The following TMEM87B variants were observed in gnomAD, a reference collection of about 807,000 sequenced individuals.
The protein encoded by TMEM87B is transmembrane protein 87B.
Under a neutral mutation model 80.3 loss-of-function variants are expected in TMEM87B, and 83 were observed. The observed-to-expected ratio is 1.03, with a 90% confidence interval of 0.87 to 1.24. The LOEUF (loss-of-function observed/expected upper bound fraction) is 1.24, where lower values mean the gene tolerates loss of function less well. Ranked by LOEUF, TMEM87B falls within the 50% of genes most tolerant of loss-of-function variation. The probability of loss-of-function intolerance (pLI) is 0.00; values close to 1 mark genes in which losing one functional copy is unlikely to be tolerated. For synonymous variants in TMEM87B, 219 were observed against 230.5 expected (o/e 0.95, Z 0.45); for missense variants, 625 against 674.4 (o/e 0.93, Z 0.81).
chr2:112,067,869 T>G (rs1287153312), intron 4 of TMEM87B, among the ~76,000 whole-genome samples: 1 of 152,188 alleles, frequency 6.6e-6, no homozygotes, highest in Non-Finnish European at 1.5e-5. Flanking sequence ...CACTAACTCC[T>G]CCTTTATGCC....
rs1054570772 is a variant in TMEM87B, at chr2:112,055,611, C to T, written c.20C>T (p.Ser7Leu). 4 of 1,533,018 alleles carry T rather than the reference C, an allele frequency of 2.6e-6. No homozygotes were observed. The highest frequency in any genetic ancestry group is 2.9e-5 in the African/African-American group (2 of 70,082). The allele number at this position is 1,533,018 out of a possible 1,614,324, so 95.0% of individuals were successfully genotyped here. The stretch of plus-strand genomic sequence containing the variant: ...GTCAAGATGGTCGCCGCCTGCCGCT[C>T]GGTAGCCGGGCTCCTGCCACGCCGC... MVAACR[S>L]VAGLLPRRRR... Residue 7 changes from serine (S) to leucine (L), a missense_variant, in exon 1 of 19, where the codon TCG becomes TTG. By Grantham distance (145) the Ser-to-Leu change is moderately radical (BLOSUM62 -2). Transcript: ENST00000283206.
At chr2:112,086,762 G>A (rs971922413) in intron 9 of TMEM87B, among the ~76,000 whole-genome samples, 1 of 152,104 alleles carries the variant, frequency 6.6e-6, no homozygotes, top group Non-Finnish European at 1.5e-5. Context: ...GGCTTCACAG[G>A]TGTCGTCCTC....
intron 17 of TMEM87B, among the ~76,000 whole-genome samples, chr2:112,111,080 A>G (rs1178258384): frequency 6.6e-6 from 1 of 152,140 alleles, no homozygotes; most frequent in East Asian, 1.9e-4. Context: ...ACAGCAGGGA[A>G]TCTGTTGGAA....
chr2:112,062,440 T>C (rs1055707272), intron 2 of TMEM87B, among the ~76,000 whole-genome samples: 5 of 152,228 alleles, frequency 3.3e-5, no homozygotes, highest in Non-Finnish European at 7.3e-5. Context: ...CCATTCATGA[T>C]AGAAACTCAA....
In TMEM87B at chr2:112,116,207, A is replaced by G; in HGVS notation, c.*64A>G. On this transcript the variant is annotated 3_prime_UTR_variant, in exon 19 of 19. Coordinates refer to ENST00000283206, the MANE Select transcript of TMEM87B (RefSeq NM_032824.3). ...CTATCCTTCATCAAGACTGAAAGTG[A>G]GCTTTGATTTGATATTGCCTAAAAA... is the stretch of plus-strand genomic sequence containing the variant. The G allele has an allele frequency of 7.0e-7, 1 of 1,431,212 alleles. No individual in the cohort carries two copies. The highest frequency in any genetic ancestry group is 9.6e-7 in the Non-Finnish European group (1 of 1,042,164). The allele number at this position is 1,431,212 out of a possible 1,614,324, so 88.7% of individuals were successfully genotyped here. A position where few individuals can be genotyped will look rare whatever the true frequency, so the allele number is the denominator to read the frequency against.
intron 8 of TMEM87B, 132 bp downstream of exon 8, chr2:112,081,650 C>A: frequency 2.6e-6 from 2 of 774,214 alleles, no homozygotes; most frequent in Non-Finnish European, 3.9e-6. Flanking sequence ...AGAAGGAAAG[C>A]CAAGGAAAGA....
chr2:112,107,397 T>G (rs1211364591), intron 16 of TMEM87B, among the ~76,000 whole-genome samples: 2 of 151,138 alleles, frequency 1.3e-5, no homozygotes, highest in African/African-American at 2.4e-5. Context: ...ATTATCATCA[T>G]TTTTTTTAAA....
chr2:112,104,315 C>T (rs1352466575), intron 15 of TMEM87B, among the ~76,000 whole-genome samples: 1 of 152,098 alleles, frequency 6.6e-6, no homozygotes, highest in Non-Finnish European at 1.5e-5. Flanking sequence ...ATTCTCAGTA[C>T]ATATATATCT....
At chr2:112,071,511 T>G (rs549123038) in intron 4 of TMEM87B, among the ~76,000 whole-genome samples, 1 of 152,054 alleles carries the variant, frequency 6.6e-6, no homozygotes, top group Non-Finnish European at 1.5e-5. Context: ...TTCACCATGT[T>G]GGCCAGGCTG....
chr2:112,092,621 G>T (rs949637889), intron 11 of TMEM87B, among the ~76,000 whole-genome samples: 1 of 152,180 alleles, frequency 6.6e-6, no homozygotes, highest in African/African-American at 2.4e-5. Context: ...GTAGGGTAGG[G>T]GATATGGAAA....
At chr2:112,062,453 A>G (rs918433469) in intron 2 of TMEM87B, among the ~76,000 whole-genome samples, 5 of 152,362 alleles carry the variant, frequency 3.3e-5, no homozygotes, top group South Asian at 2.1e-4. Flanking sequence ...AAACTCAAAG[A>G]AAGTTAGAAA....
intron 4 of TMEM87B, 111 bp from the exon 5 acceptor site, chr2:112,074,801 T>A: frequency 1.6e-6 from 2 of 1,282,158 alleles, no homozygotes; most frequent in Non-Finnish European, 2.1e-6. Flanking sequence ...CTTTGATGTT[T>A]AGCTTTTTAA....
intron 9 of TMEM87B, among the ~76,000 whole-genome samples, chr2:112,089,220 T>C (rs1158541170): frequency 6.6e-6 from 1 of 152,212 alleles, no homozygotes; most frequent in Admixed American, 6.5e-5. Flanking sequence ...AAGTGAATTA[T>C]CTCTGAAAAG....
At chr2:112,078,709 C>CT (rs2104472874) in intron 6 of TMEM87B, among the ~76,000 whole-genome samples, 1 of 152,328 alleles carries the variant, frequency 6.6e-6, no homozygotes, top group South Asian at 2.1e-4. Context: ...GTAGCTGGAG[C>CT]TGTCACTGAG....
rs567347686 is a variant in TMEM87B, at chr2:112,055,844, C to T, written c.165+88C>T. Reference sequence around the variant, plus strand: ...TCGCTTGACCCCGGGCTTGTTCACCCTGCCTCTGCCGGGTCAGCACCGGGT... The same window carrying T: ...TCGCTTGACCCCGGGCTTGTTCACCTTGCCTCTGCCGGGTCAGCACCGGGT... On this transcript the variant is annotated intron_variant, in intron 1 of 18. Coordinates refer to ENST00000283206, the MANE Select transcript of TMEM87B (RefSeq NM_032824.3). The T allele has an allele frequency of 1.1e-5, 15 of 1,397,512 alleles. No homozygotes were observed. In the Admixed American group the frequency reaches 3.3e-4, roughly 31 times the overall value. 86.6% of individuals were successfully genotyped at this position (1,397,512 alleles called of 1,614,324 possible).
chr2:112,095,607 T>G (rs1368905820), intron 11 of TMEM87B: 1 of 459,050 alleles, frequency 2.2e-6, no homozygotes, highest in Admixed American at 6.4e-5. Context: ...TTTTTAAAGT[T>G]CTCATAGTAA....
At chr2:112,113,489 A>G (rs1416348582) in intron 18 of TMEM87B, among the ~76,000 whole-genome samples, 1 of 152,198 alleles carries the variant, frequency 6.6e-6, no homozygotes, top group South Asian at 2.1e-4. Context: ...GCTGTAGCAC[A>G]TAAGAGGGGC....
chr2:112,060,135 C>T (rs1573676818), intron 2 of TMEM87B, 98 bp downstream of exon 2: 8 of 1,312,286 alleles, frequency 6.1e-6, no homozygotes, highest in Admixed American at 6.6e-5. Flanking sequence ...ATCACAAGGT[C>T]GGGAGTTCAG....
chr2:112,088,288 G>A (rs1341508397), intron 9 of TMEM87B, among the ~76,000 whole-genome samples: 1 of 152,164 alleles, frequency 6.6e-6, no homozygotes, highest in African/African-American at 2.4e-5. Flanking sequence ...GATACCAACA[G>A]GTGCAGTGTT....
Sources: allele counts gnomAD v4.1 joint callset (sites outside exome capture counted in the v4.1 genomes callset), GRCh38; gene constraint gnomAD v4.1.1; transcripts MANE v1.5; gene names NCBI Gene and HGNC (gene_info 2026-07-23, HGNC 2026-07-21).